CHD7: variants seen among roughly 807,000 people sequenced by gnomAD.
CHD7 encodes chromodomain helicase DNA binding protein 7, also known as ATP-dependent chromatin remodeler CHD7.
In CHD7, 24 loss-of-function variants were observed where a neutral mutation model predicts 307.3. That is an observed-to-expected ratio of 0.08 (90% CI 0.06 to 0.11). The LOEUF (loss-of-function observed/expected upper bound fraction) is 0.11, where lower values mean the gene tolerates loss of function less well. CHD7 is among the 10% of genes least tolerant of loss of function. The pLI is 1.00. For missense variants in CHD7, 3,106 were observed against 3,727.1 expected (o/e 0.83, Z 4.34); for synonymous variants, 1,363 against 1,349.9 (o/e 1.01, Z -0.21).
At chr8:60,700,621 G>A (rs765182501) in intron 1 of CHD7, among the ~76,000 whole-genome samples, 6 of 152,288 alleles carry the variant, frequency 3.9e-5, no homozygotes, top group South Asian at 2.1e-4. Flanking sequence ...TTGGGTGCCG[G>A]CTGGTGCCCA....
chr8:60,832,077 G>A lies in CHD7; in HGVS notation c.3778+1500G>A, dbSNP rs573519017. On this transcript the variant is annotated intron_variant, in intron 15 of 37. Coordinates refer to ENST00000423902, the MANE Select transcript of CHD7 (RefSeq NM_017780.4). ...CACTCTGGCGCCCAGGCTGTAGTGCGGTGGCACGATCTCGGCTCACTGCAG... is the reference window on the plus strand; with the variant it reads ...CACTCTGGCGCCCAGGCTGTAGTGCAGTGGCACGATCTCGGCTCACTGCAG... Among the ~76,000 whole-genome samples the A allele has an allele frequency of 1.3e-4, 20 of 152,102 alleles. No individual in the cohort carries two copies. The South Asian group carries it at 3.5e-3, about 27-fold the overall frequency.
chr8:60,724,766 G>A (rs1363388586), intron 1 of CHD7, among the ~76,000 whole-genome samples: 1 of 152,134 alleles, frequency 6.6e-6, no homozygotes, highest in Non-Finnish European at 1.5e-5. Flanking sequence ...TCTTTGAGAA[G>A]TGCTGATTTT....
intron 15 of CHD7, among the ~76,000 whole-genome samples, chr8:60,833,282 A>T (rs780814346): frequency 4.6e-5 from 7 of 152,220 alleles, no homozygotes; most frequent in Non-Finnish European, 1.0e-4. Flanking sequence ...CTTATGTATG[A>T]GTTATTAGCT....
chr8:60,860,278 G>A (rs1267793890), intron 34 of CHD7, among the ~76,000 whole-genome samples: 1 of 152,112 alleles, frequency 6.6e-6, no homozygotes, highest in South Asian at 2.1e-4. Flanking sequence ...CTGAGAGGCC[G>A]CCTTTCATGC....
intron 2 of CHD7, among the ~76,000 whole-genome samples, chr8:60,760,225 G>A (rs1203881263): frequency 1.3e-5 from 2 of 152,198 alleles, no homozygotes; most frequent in Non-Finnish European, 2.9e-5. Context: ...AGGCCAGTTA[G>A]TACTTTATAG....
chr8:60,704,175 T>G (rs1293388264), intron 1 of CHD7, among the ~76,000 whole-genome samples: 1 of 152,290 alleles, frequency 6.6e-6, no homozygotes, highest in Non-Finnish European at 1.5e-5. Flanking sequence ...CCCAAGTTAT[T>G]GGCTATAGAA....
At chr8:60,690,725 T>G (rs560861157) in intron 1 of CHD7, among the ~76,000 whole-genome samples, 7 of 152,322 alleles carry the variant, frequency 4.6e-5, no homozygotes, top group Non-Finnish European at 2.9e-5. Flanking sequence ...TGGCTGGCAG[T>G]CAGTGCCACT....
Position 60,853,469 on chromosome 8 carries a change from C to A in CHD7, c.6744C>A (p.Asp2248Glu), listed in dbSNP as rs1032877391. The A allele has an allele frequency of 6.6e-7, 1 of 1,516,534 alleles. No individual in the cohort carries two copies. Among genetic ancestry groups the A allele is most frequent in the Admixed American group, 2.3e-5 (1 of 44,072 alleles). 93.9% of individuals were successfully genotyped at this position (1,516,534 alleles called of 1,614,324 possible). A position where few individuals can be genotyped will look rare whatever the true frequency, so the allele number is the denominator to read the frequency against. The change falls in exon 31 of 38, where the codon GAC (aspartate) becomes GAA (glutamate). Residue 2248 changes from aspartate (D) to glutamate (E), a missense_variant. Asp to Glu is a conservative substitution (Grantham distance 45, BLOSUM62 2). Around this residue, in one of 10 missense-constraint regions of CHD7, gnomAD observed 1,030 missense variants for 1,165.4 expected, o/e 0.88. Transcript: ENST00000423902. ...EEDEEEKLEDDDKSEESSQPE... is the reference protein window; with the variant it reads ...EEDEEEKLEDEDKSEESSQPE... ...ATGAAGAGGAAAAGCTGGAGGATGA[C>A]GATAAGTCGGAAGAGTCTTCCCAGC...
chr8:60,857,235 T>C (rs1004211071), intron 34 of CHD7, among the ~76,000 whole-genome samples: 1 of 152,194 alleles, frequency 6.6e-6, no homozygotes, highest in African/African-American at 2.4e-5. Flanking sequence ...GCCTGGCATT[T>C]ATTAAAATTA....
intron 23 of CHD7, among the ~76,000 whole-genome samples, chr8:60,847,252 CTGTT>C (rs953625157): frequency 4.3e-4 from 66 of 152,236 alleles, no homozygotes; most frequent in African/African-American, 1.5e-3. Flanking sequence ...TGGGAGTTGT[CTGTT>C]CTGGTGAATC....
chr8:60,814,509 G>A (rs988372970), intron 7 of CHD7, among the ~76,000 whole-genome samples: 6 of 152,158 alleles, frequency 3.9e-5, no homozygotes, highest in Admixed American at 3.9e-4. Context: ...GCAGTGGCGT[G>A]ATCTCAGCTC....
At chr8:60,806,329 C>G (rs1184895358) in intron 6 of CHD7, among the ~76,000 whole-genome samples, 2 of 152,046 alleles carry the variant, frequency 1.3e-5, no homozygotes, top group South Asian at 2.1e-4. Flanking sequence ...CGCCACTGCA[C>G]TCCAGCCTGG....
At chr8:60,680,447 G>A in intron 1 of CHD7, among the ~76,000 whole-genome samples, 1 of 146,120 alleles carries the variant, frequency 6.8e-6, no homozygotes, top group Non-Finnish European at 1.5e-5. Flanking sequence ...GGGCGGGGGT[G>A]GGGGCGCTGG....
At chr8:60,794,304 A>G (rs974335092) in intron 3 of CHD7, among the ~76,000 whole-genome samples, 1 of 152,198 alleles carries the variant, frequency 6.6e-6, no homozygotes, top group Non-Finnish European at 1.5e-5. Flanking sequence ...GCAACATACT[A>G]TGAAACATGC....
intron 1 of CHD7, among the ~76,000 whole-genome samples, chr8:60,735,350 G>A (rs535008275): frequency 6.6e-6 from 1 of 152,294 alleles, no homozygotes; most frequent in Admixed American, 6.5e-5. Context: ...TGTCTCTTCT[G>A]TTAATATCAG....
intron 8 of CHD7, among the ~76,000 whole-genome samples, chr8:60,818,503 G>A (rs1586383225): frequency 6.6e-6 from 1 of 152,218 alleles, no homozygotes; most frequent in East Asian, 1.9e-4. Context: ...GATAACACGT[G>A]TGTTTACCTA....
chr8:60,789,364 A>G (rs1811660789), intron 3 of CHD7, among the ~76,000 whole-genome samples: 1 of 152,266 alleles, frequency 6.6e-6, no homozygotes, highest in Non-Finnish European at 1.5e-5. Context: ...TTAAAAGATT[A>G]TAATGTAACA....
intron 1 of CHD7, among the ~76,000 whole-genome samples, chr8:60,708,069 AG>A (rs1347980087): frequency 1.3e-5 from 2 of 152,238 alleles, no homozygotes. Flanking sequence ...TAAAGGTCGA[AG>A]GGTGGTGCGT....
intron 4 of CHD7, 80 bp downstream of exon 4, chr8:60,795,207 C>T (rs778386678): frequency 1.7e-5 from 22 of 1,318,388 alleles, no homozygotes; most frequent in Admixed American, 8.1e-5. Flanking sequence ...CACAAGACCT[C>T]CCCTATCTTG....
Sources: allele counts gnomAD v4.1 joint callset (sites outside exome capture counted in the v4.1 genomes callset), GRCh38; gene constraint gnomAD v4.1.1; regional missense constraint gnomAD v4.1.1; transcripts MANE v1.5; gene names NCBI Gene and HGNC (gene_info 2026-07-23, HGNC 2026-07-21).